DNAI3: variants seen among roughly 807,000 people sequenced by gnomAD.
DNAI3 encodes WD repeat domain 63.
In DNAI3, 83 loss-of-function variants were observed where a neutral mutation model predicts 115.5. The ratio of observed to expected loss-of-function variants is 0.72; its 90% CI spans 0.60 to 0.86. DNAI3 has a LOEUF of 0.86. DNAI3 is among the 40% of genes least tolerant of loss of function. The pLI, the probability that DNAI3 is intolerant of heterozygous loss-of-function variation, is 0.00. For synonymous variants in DNAI3, 320 were observed against 347.0 expected (o/e 0.92, Z 0.86); for missense variants, 1,004 against 1,075.8 (o/e 0.93, Z 0.93).
chr1:85,098,906 A>G (rs993573043), intron 13 of DNAI3, among the ~76,000 whole-genome samples: 4 of 152,214 alleles, frequency 2.6e-5, no homozygotes, highest in Admixed American at 1.3e-4. Context: ...GTATAATACA[A>G]TAGTGGAGAA....
chr1:85,094,666 T>C (rs1655076309), intron 10 of DNAI3, 111 bp downstream of exon 10: 1 of 1,326,626 alleles, frequency 7.5e-7, no homozygotes. Flanking sequence ...GTTGTAAACA[T>C]TTATAAAGTT....
chr1:85,085,855 C>A lies in DNAI3; in HGVS notation c.565C>A (p.Arg189=). The change falls in exon 7 of 23, where the codon CGA becomes AGA. Residue 189 remains arginine, a synonymous_variant. Coordinates refer to ENST00000294664, the MANE Select transcript of DNAI3 (RefSeq NM_145172.5). ...KQITYMISRK[R]SEFGAPIKFS... ...GATTACATATATGATTTCTCGAAAACGAAGTGAATTTGGTGCACCAATTAA... is the reference window on the plus strand; with the variant it reads ...GATTACATATATGATTTCTCGAAAAAGAAGTGAATTTGGTGCACCAATTAA... 3.1e-6 allele frequency: 5 copies of A among 1,614,052 alleles called. No individual in the cohort carries two copies. In the South Asian group the frequency reaches 5.5e-5, roughly 18 times the overall value.
intron 1 of DNAI3, among the ~76,000 whole-genome samples, chr1:85,066,555 C>T (rs566518888): frequency 1.2e-4 from 18 of 152,072 alleles, no homozygotes; most frequent in Non-Finnish European, 2.5e-4. Flanking sequence ...GTCTTGATCT[C>T]CTGACCTCAT....
In DNAI3 at chr1:85,132,951, G is replaced by T. The variant is rs1462525765; in HGVS notation, c.2629G>T (p.Gly877Cys). 1 of 1,613,802 alleles carries T rather than the reference G, an allele frequency of 6.2e-7. No homozygotes were observed. The highest frequency in any genetic ancestry group is 1.1e-5 in the South Asian group (1 of 91,066). ...ELEKTVLINL[G>C]LIKVTEKGSY... The stretch of plus-strand genomic sequence containing the variant: ...GGAAAAGACTGTTCTTATCAACCTT[G>T]GCCTAATCAAAGTCACAGAGAAGGG... Residue 877 changes from glycine to cysteine, a missense_variant, in exon 23 of 23, where the codon GGC (glycine) becomes TGC (cysteine). Gly to Cys is a radical substitution (Grantham distance 159). Transcript: ENST00000294664.
At position 85,117,879 on chromosome 1, in the gene DNAI3, T is replaced by C. The variant is rs200763412; in HGVS notation, c.1917+20T>C. The C allele has an allele frequency of 1.5e-3, 2,353 of 1,608,582 alleles. 3 individuals carry two copies. The highest frequency in any genetic ancestry group is 1.9e-3 in the Non-Finnish European group (2,205 of 1,176,856). ...ACAGAGGTAAATTGGGATTATCTGC[T>C]TTTAAAATTAATACTTATTTATACT... On this transcript the variant is annotated intron_variant, in intron 17 of 22. Coordinates refer to ENST00000294664, the MANE Select transcript of DNAI3 (RefSeq NM_145172.5).
chr1:85,072,972 A>AAAAAAAT, intron 2 of DNAI3, 82 bp from the exon 3 acceptor site: 2 of 503,210 alleles, frequency 4.0e-6, no homozygotes, highest in Middle Eastern at 6.6e-4. Context: ...AAAAAAAAAA[A>AAAAAAAT]AAGAAGAAAT....
intron 1 of DNAI3, among the ~76,000 whole-genome samples, chr1:85,063,721 G>A (rs998616226): frequency 6.6e-6 from 1 of 152,222 alleles, no homozygotes; most frequent in Non-Finnish European, 1.5e-5. Context: ...GACTTGATAA[G>A]AGATGCATTT....
At chr1:85,119,155 T>C (rs1463999148) in intron 17 of DNAI3, among the ~76,000 whole-genome samples, 1 of 152,198 alleles carries the variant, frequency 6.6e-6, no homozygotes, top group Non-Finnish European at 1.5e-5. Context: ...TAACATAAAA[T>C]TAATCATCTT....
intron 17 of DNAI3, among the ~76,000 whole-genome samples, chr1:85,118,503 A>C (rs1344106020): frequency 6.6e-6 from 1 of 152,186 alleles, no homozygotes; most frequent in Admixed American, 6.5e-5. Context: ...CTTTTCACTC[A>C]TGACTCTCAT....
chr1:85,086,970 C>T (rs967045603), intron 7 of DNAI3, among the ~76,000 whole-genome samples: 2 of 152,174 alleles, frequency 1.3e-5, no homozygotes, highest in Admixed American at 6.5e-5. Context: ...ACAGTTCTCC[C>T]TGCTCATCCA....
chr1:85,083,984 G>T (rs1184820969), intron 5 of DNAI3, among the ~76,000 whole-genome samples: 1 of 151,390 alleles, frequency 6.6e-6, no homozygotes, highest in African/African-American at 2.4e-5. Flanking sequence ...AAAATTCTAG[G>T]ATCTATCAAT....
At chr1:85,132,189 C>T (rs1656346752) in intron 22 of DNAI3, among the ~76,000 whole-genome samples, 1 of 152,204 alleles carries the variant, frequency 6.6e-6, no homozygotes. Context: ...TGCAATGGAG[C>T]TTAAATGAGT....
At chr1:85,063,748 T>C (rs367989909) in intron 1 of DNAI3, among the ~76,000 whole-genome samples, 23 of 152,274 alleles carry the variant, frequency 1.5e-4, no homozygotes, top group Admixed American at 3.9e-4. Context: ...AGCTCTGAGG[T>C]TGGCCTCTTG....
At chr1:85,128,920 G>C (rs1656232299) in intron 21 of DNAI3, 121 bp downstream of exon 21, 1 of 789,390 alleles carries the variant, frequency 1.3e-6, no homozygotes, top group Non-Finnish European at 2.1e-6. Context: ...GACTCATACA[G>C]TAAATAAGAG....
intron 6 of DNAI3, among the ~76,000 whole-genome samples, chr1:85,084,951 T>A (rs1448975302): frequency 6.6e-6 from 1 of 152,206 alleles, no homozygotes; most frequent in Non-Finnish European, 1.5e-5. Context: ...ATAGGGTCAT[T>A]GCAGGTATAG....
In DNAI3 at chr1:85,128,601, G is replaced by T. The variant is rs1311868313; in HGVS notation, c.2318-107G>T. The T allele has an allele frequency of 4.9e-6, 4 of 812,376 alleles. No homozygotes were observed. In the African/African-American group the frequency reaches 7.0e-5, roughly 14 times the overall value. The allele number at this position is 812,376 out of a possible 1,614,324, so 50.3% of individuals were successfully genotyped here. A position where few individuals can be genotyped will look rare whatever the true frequency, so the allele number is the denominator to read the frequency against. On this transcript the variant is annotated intron_variant, in intron 20 of 22. Transcript: ENST00000294664. ...AAATGCCAAGATCACTGGAACCACA[G>T]CAGGTCCTTTGGGAGAACACAAAAC...
At chr1:85,093,320 A>C in intron 8 of DNAI3, 138 bp from the exon 9 acceptor site, 2 of 837,630 alleles carry the variant, frequency 2.4e-6, no homozygotes, top group Non-Finnish European at 3.6e-6. Context: ...ACATGAGGTT[A>C]ATCATTATCA....
chr1:85,100,238 C>A (rs867714297), intron 13 of DNAI3, among the ~76,000 whole-genome samples: 44 of 152,130 alleles, frequency 2.9e-4, no homozygotes, highest in African/African-American at 7.2e-4. Context: ...CAAAGGGCTA[C>A]TATCCAGAAT....
intron 20 of DNAI3, among the ~76,000 whole-genome samples, chr1:85,127,337 G>A (rs1484040510): frequency 6.6e-6 from 1 of 152,130 alleles, no homozygotes; most frequent in Admixed American, 6.5e-5. Context: ...CATGATGTAT[G>A]TCCTTTGTCT....
Sources: gnomAD v4.1 joint callset for allele counts (sites outside exome capture counted in the v4.1 genomes callset) on GRCh38, gnomAD v4.1.1 for gene constraint, MANE v1.5 for transcripts, NCBI Gene and HGNC (gene_info 2026-07-23, HGNC 2026-07-21) for gene names.